Variants in MACROD2 observed in about 807,000 individuals in gnomAD.
MACROD2 encodes the protein mono-ADP ribosylhydrolase 2, also known as ADP-ribose glycohydrolase MACROD2.
In MACROD2, 36 loss-of-function variants were observed where a neutral mutation model predicts 70.4. The ratio of observed to expected loss-of-function variants is 0.51; its 90% CI spans 0.39 to 0.68. The LOEUF (loss-of-function observed/expected upper bound fraction) is 0.68, where lower values mean the gene tolerates loss of function less well. Among genes scored for constraint, MACROD2 ranks in the 30% least tolerant of loss-of-function variants. The pLI, the probability that MACROD2 is intolerant of heterozygous loss-of-function variation, is 0.00. For synonymous variants in MACROD2, 172 were observed against 178.8 expected (o/e 0.96, Z 0.30); for missense variants, 496 against 538.4 (o/e 0.92, Z 0.78).
chr20:15,959,032 T>C (rs2066020009), intron 12 of MACROD2, among the ~76,000 whole-genome samples: 1 of 152,196 alleles, frequency 6.6e-6, no homozygotes. Context: ...AATATAGTCA[T>C]TGCGTTAGGA....
intron 5 of MACROD2, among the ~76,000 whole-genome samples, chr20:14,961,446 C>A (rs986865977): frequency 2.0e-5 from 3 of 152,254 alleles, no homozygotes; most frequent in Middle Eastern, 3.4e-3. Flanking sequence ...CCACGCTGTT[C>A]CTCAAATAAT....
chr20:15,311,956 G>A (rs868543952), intron 6 of MACROD2, among the ~76,000 whole-genome samples: 9 of 151,878 alleles, frequency 5.9e-5, no homozygotes, highest in Non-Finnish European at 7.4e-5. Flanking sequence ...CAAAACCAAA[G>A]TGAAATTTTA....
intron 8 of MACROD2, among the ~76,000 whole-genome samples, chr20:15,696,727 G>T (rs1035560920): frequency 2.0e-5 from 2 of 99,172 alleles, no homozygotes; most frequent in Non-Finnish European, 1.9e-5. Context: ...TTTCAATCTT[G>T]CTGCTTGTTA....
At chr20:14,954,538 A>C (rs1224426892) in intron 5 of MACROD2, among the ~76,000 whole-genome samples, 1 of 139,804 alleles carries the variant, frequency 7.2e-6, no homozygotes, top group African/African-American at 2.6e-5. Flanking sequence ...AATTATATAT[A>C]ATATAAATTA....
intron 8 of MACROD2, among the ~76,000 whole-genome samples, chr20:15,680,402 G>C (rs532063509): frequency 2.6e-5 from 4 of 152,242 alleles, no homozygotes; most frequent in African/African-American, 4.8e-5. Flanking sequence ...AACTAAACAA[G>C]AAACTATGAA....
At chr20:15,332,343 TC>T (rs2146192841) in intron 6 of MACROD2, among the ~76,000 whole-genome samples, 1 of 151,816 alleles carries the variant, frequency 6.6e-6, no homozygotes, top group Admixed American at 6.6e-5. Flanking sequence ...TTACTCTAGA[TC>T]TATACTTCAT....
At chr20:14,236,984 G>A (rs1002614065) in intron 3 of MACROD2, among the ~76,000 whole-genome samples, 2 of 151,978 alleles carry the variant, frequency 1.3e-5, no homozygotes, top group African/African-American at 4.8e-5. Context: ...TTGTATGTCT[G>A]AAAATTTCTT....
chr20:14,589,928 T>C (rs1469021896), intron 4 of MACROD2, among the ~76,000 whole-genome samples: 1 of 152,176 alleles, frequency 6.6e-6, no homozygotes, highest in African/African-American at 2.4e-5. Context: ...CTTCCATCTG[T>C]GAGACATGTG....
intron 7 of MACROD2, among the ~76,000 whole-genome samples, chr20:15,434,331 G>A (rs1036877578): frequency 1.2e-4 from 17 of 147,608 alleles, no homozygotes; most frequent in Non-Finnish European, 1.6e-4. Context: ...ATATCAGCAA[G>A]AAAAAAAAAA....
Position 15,576,053 on chromosome 20 carries a change from G to C in MACROD2, c.645+76206G>C, listed in dbSNP as rs576818148. Reference sequence around the variant, plus strand: ...AAAAATTCTTAAGCACCTGCCATACGAGTAACAACCATGAGGTTTAGAATA... The same window carrying C: ...AAAAATTCTTAAGCACCTGCCATACCAGTAACAACCATGAGGTTTAGAATA... On this transcript the variant is annotated intron_variant, in intron 8 of 17. Coordinates refer to ENST00000684519, the MANE Select transcript of MACROD2 (RefSeq NM_001351661.2). 3.9e-5 allele frequency among the ~76,000 whole-genome samples: 6 copies of C among 152,112 alleles called. 1 individual carries two copies. The South Asian group carries it at 1.0e-3, about 26-fold the overall frequency.
chr20:15,081,329 T>G (rs777522505), intron 5 of MACROD2, among the ~76,000 whole-genome samples: 1 of 152,188 alleles, frequency 6.6e-6, no homozygotes, highest in East Asian at 1.9e-4. Flanking sequence ...ACAGAGATTT[T>G]TATGGGATGC....
intron 5 of MACROD2, among the ~76,000 whole-genome samples, chr20:15,132,931 A>T (rs1162376907): frequency 6.6e-6 from 1 of 152,080 alleles, no homozygotes; most frequent in African/African-American, 2.4e-5. Context: ...TAATAGTATT[A>T]TTTTTTAAAT....
chr20:15,525,885 C>T (rs1207376557), intron 8 of MACROD2, among the ~76,000 whole-genome samples: 4 of 152,154 alleles, frequency 2.6e-5, no homozygotes, highest in African/African-American at 7.2e-5. Flanking sequence ...TCAGAGGTCC[C>T]TCTTCAACAT....
At chr20:14,717,319 C>G (rs546062121) in intron 5 of MACROD2, among the ~76,000 whole-genome samples, 3 of 152,292 alleles carry the variant, frequency 2.0e-5, no homozygotes, top group Non-Finnish European at 4.4e-5. Flanking sequence ...CTATCTGTCT[C>G]TTTCTTCAGA....
intron 4 of MACROD2, among the ~76,000 whole-genome samples, chr20:14,599,277 A>G (rs1483317325): frequency 6.6e-6 from 1 of 152,152 alleles, no homozygotes; most frequent in Non-Finnish European, 1.5e-5. Context: ...ATTAAAATGC[A>G]TGGTAAGTAC....
intron 3 of MACROD2, among the ~76,000 whole-genome samples, chr20:14,184,574 A>C (rs554050527): frequency 6.6e-6 from 1 of 151,576 alleles, no homozygotes; most frequent in Admixed American, 6.6e-5. Flanking sequence ...AAGAATGTCC[A>C]TGGTAGTTTA....
intron 7 of MACROD2, among the ~76,000 whole-genome samples, chr20:15,461,460 C>G (rs60719222): frequency 0.016 from 2,443 of 152,114 alleles, 57 homozygotes; most frequent in African/African-American, 0.056. Context: ...TCCAGGAAGG[C>G]AAGAAACTGG....
chr20:15,602,576 T>G (rs1261389493), intron 8 of MACROD2, among the ~76,000 whole-genome samples: 1 of 152,112 alleles, frequency 6.6e-6, no homozygotes, highest in East Asian at 1.9e-4. Context: ...GTGAGTTTCT[T>G]TATTAGCCCA....
chr20:15,220,564 C>G (rs1013103526), intron 5 of MACROD2, among the ~76,000 whole-genome samples: 15 of 152,150 alleles, frequency 9.9e-5, no homozygotes, highest in Admixed American at 4.6e-4. Flanking sequence ...GAGCTCTGAC[C>G]GATGGAAACT....
Sources: gnomAD v4.1 joint callset for allele counts (sites outside exome capture counted in the v4.1 genomes callset) on GRCh38, gnomAD v4.1.1 for gene constraint, MANE v1.5 for transcripts, NCBI Gene and HGNC (gene_info 2026-07-23, HGNC 2026-07-21) for gene names.